Variants in ARHGAP11A observed in about 807,000 individuals in gnomAD.
ARHGAP11A encodes Rho GTPase activating protein 11A.
ARHGAP11A carries 36 observed loss-of-function variants against 60.5 expected under a neutral mutation model. That is an observed-to-expected ratio of 0.59 (90% CI 0.46 to 0.79). The LOEUF (loss-of-function observed/expected upper bound fraction) is 0.79. Ranked by LOEUF, ARHGAP11A falls within the 30% of genes least tolerant of loss-of-function variation. The pLI, the probability that ARHGAP11A is intolerant of heterozygous loss-of-function variation, is 0.00. For missense variants in ARHGAP11A, 1,071 were observed against 1,199.2 expected (o/e 0.89, Z 1.58); for synonymous variants, 362 against 415.5 (o/e 0.87, Z 1.57).
chr15:32,637,239 A>C lies in ARHGAP11A; in HGVS notation c.2466A>C (p.Pro822=), dbSNP rs1464358528. ...TTAACAAGCTTTCTTTAAATGAACC[A>C]AATAGAATAAAAGTCAAGTCACCTC... ...QWFNKLSLNE[P]NRIKVKSPLK... The change falls in exon 12 of 12, where the codon CCA becomes CCC. Residue 822 remains proline (P), a synonymous_variant. Coordinates refer to ENST00000361627, the MANE Select transcript of ARHGAP11A (RefSeq NM_014783.6). 6.2e-7 allele frequency: 1 copy of C among 1,614,244 alleles called. No individual in the cohort carries two copies. The highest frequency in any genetic ancestry group is 8.5e-7 in the Non-Finnish European group (1 of 1,180,044).
chr15:32,629,941 A>AGTGTGTGTGTGTGTGTGTGTGTGT (rs376208322), intron 8 of ARHGAP11A, among the ~76,000 whole-genome samples, 179 bp downstream of exon 8: 3 of 101,668 alleles, frequency 3.0e-5, no homozygotes, highest in Non-Finnish European at 5.8e-5. Context: ...GTTTCAATAT[A>AGTGTGTGTGTGTGTGTGTGTGTGT]GTGTGTGTGT....
At position 32,638,303 on chromosome 15, in the gene ARHGAP11A, C is replaced by T. The variant is rs1380992678; in HGVS notation, c.*458C>T. On this transcript the variant is annotated 3_prime_UTR_variant, in exon 12 of 12. Coordinates refer to ENST00000361627, the MANE Select transcript of ARHGAP11A (RefSeq NM_014783.6). ...AGCCAGGATGGTCTCGATCTCCTGACGTTGTGATCCGCCCGCCTCAGCCTC... is the reference window on the plus strand; with the variant it reads ...AGCCAGGATGGTCTCGATCTCCTGATGTTGTGATCCGCCCGCCTCAGCCTC... 2.6e-5 allele frequency: 4 copies of T among 153,406 alleles called. No individual in the cohort carries two copies. Among genetic ancestry groups the T allele is most frequent in the East Asian group, 1.9e-4 (1 of 5,208 alleles). 9.5% of individuals were successfully genotyped at this position (153,406 alleles called of 1,614,324 possible). A position where few individuals can be genotyped will look rare whatever the true frequency, so the allele number is the denominator to read the frequency against.
At position 32,625,716 on chromosome 15, in the gene ARHGAP11A, G is replaced by A. The variant is rs2053442676; in HGVS notation, c.862+83G>A. On this transcript the variant is annotated intron_variant, in intron 6 of 11. Coordinates refer to ENST00000361627, the MANE Select transcript of ARHGAP11A (RefSeq NM_014783.6). ...TTCACATAAAGAAGCATGAACTGTGGTATGTGCCTTTTTGGTGCTTAAAGC... is the reference window on the plus strand; with the variant it reads ...TTCACATAAAGAAGCATGAACTGTGATATGTGCCTTTTTGGTGCTTAAAGC... 11 of 1,442,968 alleles carry A rather than the reference G, an allele frequency of 7.6e-6. No homozygotes were observed. In the South Asian group the frequency reaches 1.4e-4, roughly 18 times the overall value. 89.4% of individuals were successfully genotyped at this position (1,442,968 alleles called of 1,614,324 possible).
At chr15:32,634,091 A>G in intron 10 of ARHGAP11A, 50 bp downstream of exon 10, 1 of 1,288,304 alleles carries the variant, frequency 7.8e-7, no homozygotes, top group Non-Finnish European at 1.1e-6. Flanking sequence ...AACGCTATAA[A>G]CTTGATACTA....
chr15:32,618,462 A>G (rs1018796626), intron 1 of ARHGAP11A, among the ~76,000 whole-genome samples: 1 of 152,244 alleles, frequency 6.6e-6, no homozygotes, highest in African/African-American at 2.4e-5. Context: ...TGATCATAAT[A>G]TTAACAAATA....
Position 32,625,621 on chromosome 15 carries a change from C to T in ARHGAP11A, c.850C>T (p.Gln284Ter), listed in dbSNP as rs146745395. The T allele has an allele frequency of 2.5e-6, 4 of 1,613,750 alleles. No homozygotes were observed. The highest frequency in any genetic ancestry group is 3.4e-6 in the Non-Finnish European group (4 of 1,179,832). The stretch of plus-strand genomic sequence containing the variant: ...TGGTGAATATAAGAGAAAGAGAAGA[C>T]AAAGTGTAGGAGGTAAGTGGCGGTC... Reference protein sequence around the residue: ...TPGEYKRKRRQSVGDFVSGAL... With the variant: ...TPGEYKRKRR Residue 284 changes from glutamine to a stop codon, truncating the protein, a stop_gained, in exon 6 of 12, where the codon CAA becomes TAA. Coordinates refer to ENST00000361627, the MANE Select transcript of ARHGAP11A (RefSeq NM_014783.6). LOFTEE classifies it high-confidence loss of function.
At chr15:32,632,956 A>G in intron 8 of ARHGAP11A, 23 bp from the exon 9 acceptor site, 1 of 1,604,082 alleles carries the variant, frequency 6.2e-7, no homozygotes, top group Non-Finnish European at 8.5e-7. Context: ...TGTGTGGTAT[A>G]TTACATGTGG....
At chr15:32,629,931 G>A (rs1301056530) in intron 8 of ARHGAP11A, among the ~76,000 whole-genome samples, 169 bp downstream of exon 8, 1 of 131,480 alleles carries the variant, frequency 7.6e-6, no homozygotes, top group Non-Finnish European at 1.6e-5. Flanking sequence ...AATAGACACT[G>A]TTTCAATATA....
chr15:32,636,176 G>C, intron 11 of ARHGAP11A, 81 bp from the exon 12 acceptor site: 1 of 1,474,964 alleles, frequency 6.8e-7, no homozygotes, highest in East Asian at 2.4e-5. Context: ...AATGCTTAGT[G>C]ACTTATTTGC....
chr15:32,631,299 T>G (rs1241097355), intron 8 of ARHGAP11A, among the ~76,000 whole-genome samples: 110 of 8,878 alleles, frequency 0.012, 1 homozygote, highest in African/African-American at 0.038. Flanking sequence ...TAATTGTCTC[T>G]TTTTTTTTTT....
chr15:32,633,969 AATC>A lies in ARHGAP11A; in HGVS notation c.1274_1276del (p.Ile425del). 6.2e-7 allele frequency: 1 copy of A among 1,606,148 alleles called. No homozygotes were observed. Among genetic ancestry groups the A allele is most frequent in the South Asian group, 1.1e-5 (1 of 88,724 alleles). On this transcript the variant is annotated inframe_deletion, in exon 10 of 12. Transcript: ENST00000361627. ...GAAAAGCAGGCTGCTTTTCTCCTAA[AATC>A]AGCCATAAAGAAAAGGTTCGAAGAT...
intron 8 of ARHGAP11A, among the ~76,000 whole-genome samples, chr15:32,631,527 C>T (rs957360735): frequency 5.3e-5 from 8 of 151,830 alleles, no homozygotes; most frequent in African/African-American, 9.7e-5. Flanking sequence ...CTTGAACTCC[C>T]GACATTAGCT....
chr15:32,616,431 G>A (rs2140435048), intron 1 of ARHGAP11A, 91 bp downstream of exon 1: 1 of 1,569,014 alleles, frequency 6.4e-7, no homozygotes, highest in Non-Finnish European at 8.7e-7. Flanking sequence ...TGTTCACTCT[G>A]TGTATCAAAA....
At chr15:32,632,557 TACTG>T (rs1381008155) in intron 8 of ARHGAP11A, among the ~76,000 whole-genome samples, 1 of 152,188 alleles carries the variant, frequency 6.6e-6, no homozygotes, top group Non-Finnish European at 1.5e-5. Context: ...ATGTACTAGA[TACTG>T]ACTAAATATT....
intron 7 of ARHGAP11A, 24 bp from the exon 8 acceptor site, chr15:32,629,571 G>T (rs1171099079): frequency 1.9e-6 from 3 of 1,577,960 alleles, no homozygotes; most frequent in Admixed American, 1.9e-5. Flanking sequence ...GAAACAAGTT[G>T]GTTTTGTTTT....
intron 6 of ARHGAP11A, among the ~76,000 whole-genome samples, chr15:32,627,535 C>T (rs1394538859): frequency 2.6e-5 from 4 of 151,906 alleles, no homozygotes; most frequent in Non-Finnish European, 5.9e-5. Flanking sequence ...CGAGACCATC[C>T]TAGCTAACAC....
In ARHGAP11A at chr15:32,638,020, A is replaced by C; in HGVS notation, c.*175A>C. ...GCAACTTAGATTTTTATTTGTACAA[A>C]TTACTTCTTTGTTTTTCTTAATGAT... On this transcript the variant is annotated 3_prime_UTR_variant, in exon 12 of 12. Coordinates refer to ENST00000361627, the MANE Select transcript of ARHGAP11A (RefSeq NM_014783.6). 1.7e-6 allele frequency: 1 copy of C among 599,114 alleles called. No individual in the cohort carries two copies. The highest frequency in any genetic ancestry group is 2.8e-6 in the Non-Finnish European group (1 of 362,114). 37.1% of individuals were successfully genotyped at this position (599,114 alleles called of 1,614,324 possible).
chr15:32,616,259 G>A lies in ARHGAP11A; in HGVS notation c.48G>A (p.Arg16=), dbSNP rs752371262. 3 of 1,614,122 alleles carry A rather than the reference G, an allele frequency of 1.9e-6. No homozygotes were observed. The highest frequency in any genetic ancestry group is 2.5e-6 in the Non-Finnish European group (3 of 1,180,028). Residue 16 remains arginine, a synonymous_variant, in exon 1 of 12, where the codon CGG becomes CGA. Coordinates refer to ENST00000361627, the MANE Select transcript of ARHGAP11A (RefSeq NM_014783.6). ...GGTTGGCCCTGTTGCAGCATCTGCG[G>A]GCCTTCTATGGTATTAAGGTGAAGG... ...LVRLALLQHL[R]AFYGIKVKGV...
At position 32,624,533 on chromosome 15, in the gene ARHGAP11A, A is replaced by G. The variant is rs2053413609; in HGVS notation, c.551+107A>G. On this transcript the variant is annotated intron_variant, in intron 4 of 11. Coordinates refer to ENST00000361627, the MANE Select transcript of ARHGAP11A (RefSeq NM_014783.6). ...ATTTGGAATGGAAATTTTTCTTTAA[A>G]AATTCCATATTTCATTACTATGAGG... is the stretch of plus-strand genomic sequence containing the variant. 10 of 1,452,052 alleles carry G rather than the reference A, an allele frequency of 6.9e-6. No individual in the cohort carries two copies. In the South Asian group the frequency reaches 1.4e-4, roughly 20 times the overall value. The allele number at this position is 1,452,052 out of a possible 1,614,324, so 89.9% of individuals were successfully genotyped here. A position where few individuals can be genotyped will look rare whatever the true frequency, so the allele number is the denominator to read the frequency against.
Sources: allele counts gnomAD v4.1 joint callset (sites outside exome capture counted in the v4.1 genomes callset), GRCh38; gene constraint gnomAD v4.1.1; transcripts MANE v1.5; gene names NCBI Gene and HGNC (gene_info 2026-07-23, HGNC 2026-07-21).